The following ASPRV1 variants were observed in gnomAD, a reference collection of about 807,000 sequenced individuals.
ASPRV1 encodes retroviral-like aspartic protease 1.
ASPRV1 carries 7 observed loss-of-function variants against 11.0 expected under a neutral mutation model. That is an observed-to-expected ratio of 0.64 (90% CI 0.36 to 1.20). The LOEUF (loss-of-function observed/expected upper bound fraction) is 1.20. Ranked by LOEUF, ASPRV1 falls within the 50% of genes most tolerant of loss-of-function variation. The probability of loss-of-function intolerance (pLI) is 0.02; values close to 1 mark genes in which losing one functional copy is unlikely to be tolerated. For missense variants in ASPRV1, 299 were observed against 320.0 expected, an observed-to-expected ratio of 0.93 and a Z score of 0.50; for synonymous variants, 136 against 138.4, an observed-to-expected ratio of 0.98 and a Z score of 0.12.
At chr2:70,044,159 T>C in the ASPRV1 span, among the ~76,000 whole-genome samples, 1 of 152,110 alleles carries the variant, frequency 6.6e-6, no homozygotes, top group Non-Finnish European at 1.5e-5. Flanking sequence ...TGTTTCACAA[T>C]CAAAACTCTT....
the ASPRV1 span, among the ~76,000 whole-genome samples, chr2:70,040,866 G>A: frequency 6.6e-6 from 1 of 152,050 alleles, no homozygotes; most frequent in Non-Finnish European, 1.5e-5. Context: ...AACTAACGTG[G>A]CAAATACTTG....
the ASPRV1 span, among the ~76,000 whole-genome samples, chr2:70,035,412 A>C: frequency 6.6e-6 from 1 of 152,032 alleles, no homozygotes; most frequent in East Asian, 1.9e-4. Context: ...GTCCCTAAAC[A>C]ACCCAGCAAA....
the ASPRV1 span, among the ~76,000 whole-genome samples, chr2:69,949,397 T>C: frequency 1.3e-5 from 2 of 151,980 alleles, no homozygotes; most frequent in Non-Finnish European, 2.9e-5. Context: ...CAAGCAGAGG[T>C]GATGAAACAC....
the ASPRV1 span, among the ~76,000 whole-genome samples, chr2:69,978,725 C>T: frequency 6.6e-6 from 1 of 152,136 alleles, no homozygotes; most frequent in Non-Finnish European, 1.5e-5. Context: ...GGAAGCAAAC[C>T]TCGCGCCCTC....
chr2:70,048,251 T>G, the ASPRV1 span, among the ~76,000 whole-genome samples: 1 of 138,640 alleles, frequency 7.2e-6, no homozygotes, highest in Non-Finnish European at 1.5e-5. Flanking sequence ...CCATCTCTAC[T>G]AAAAATACAA....
chr2:70,062,286 C>T, the ASPRV1 span, among the ~76,000 whole-genome samples: 2 of 151,906 alleles, frequency 1.3e-5, no homozygotes, highest in East Asian at 1.9e-4. Context: ...GCCTGGGCAA[C>T]AAGAGCGAAA....
At chr2:69,974,724 G>T in the ASPRV1 span, among the ~76,000 whole-genome samples, 1 of 152,356 alleles carries the variant, frequency 6.6e-6, no homozygotes, top group South Asian at 2.1e-4. Context: ...CCCTGGGGTG[G>T]CAGGAGTTGT....
the ASPRV1 span, among the ~76,000 whole-genome samples, chr2:70,058,074 C>T: frequency 2.6e-5 from 4 of 152,274 alleles, no homozygotes; most frequent in Admixed American, 6.5e-5. Flanking sequence ...TGAGCCAACA[C>T]GCATGGCCAA....
chr2:70,033,314 C>CAT, the ASPRV1 span, among the ~76,000 whole-genome samples: 1 of 147,936 alleles, frequency 6.8e-6, no homozygotes, highest in Non-Finnish European at 1.5e-5. Flanking sequence ...CACACACACA[C>CAT]ATATATGCAC....
At chr2:70,055,760 G>A in the ASPRV1 span, 1 of 151,816 alleles carries the variant, frequency 6.6e-6, no homozygotes, top group Non-Finnish European at 1.5e-5. Context: ...CTGGTTTTTA[G>A]AATAAAGAAA....
At chr2:69,992,622 C>G in the ASPRV1 span, among the ~76,000 whole-genome samples, 1 of 152,158 alleles carries the variant, frequency 6.6e-6, no homozygotes, top group East Asian at 1.9e-4. Context: ...AATAATAATT[C>G]CTTTAGGCAG....
chr2:69,956,454 A>G (rs772391780), downstream of ASPRV1, among the ~76,000 whole-genome samples: 113 of 137,602 alleles, frequency 8.2e-4, 1 homozygote, highest in Non-Finnish European at 1.4e-3. Context: ...GAGAAGAGGA[A>G]GAAGAAGAAG....
At chr2:70,084,528 A>T in the ASPRV1 span, among the ~76,000 whole-genome samples, 1 of 152,194 alleles carries the variant, frequency 6.6e-6, no homozygotes, top group South Asian at 2.1e-4. Context: ...TGTAAAACTG[A>T]CCTAATATCA....
chr2:69,943,545 G>A, the ASPRV1 span, among the ~76,000 whole-genome samples: 17 of 152,198 alleles, frequency 1.1e-4, no homozygotes, highest in African/African-American at 3.9e-4. Context: ...TCAAAGGAAA[G>A]ACCTTGTGGA....
the ASPRV1 span, chr2:69,935,473 T>C: frequency 6.3e-7 from 1 of 1,577,626 alleles, no homozygotes; most frequent in Non-Finnish European, 8.7e-7. Flanking sequence ...AAGGTAAGTG[T>C]ATTGTTGGGA....
At chr2:70,005,149 T>A in the ASPRV1 span, among the ~76,000 whole-genome samples, 1 of 152,162 alleles carries the variant, frequency 6.6e-6, no homozygotes, top group African/African-American at 2.4e-5. Context: ...AGCCTGGACC[T>A]CCAGGGCTCA....
chr2:70,027,003 C>A, the ASPRV1 span, among the ~76,000 whole-genome samples: 1 of 152,144 alleles, frequency 6.6e-6, no homozygotes, highest in Non-Finnish European at 1.5e-5. Context: ...GTAATCCCAG[C>A]ACTTTGGGAG....
chr2:69,952,823 A>G, the ASPRV1 span, among the ~76,000 whole-genome samples: 120 of 152,126 alleles, frequency 7.9e-4, 1 homozygote, highest in South Asian at 8.7e-3. Context: ...AGACATTGCC[A>G]ATACTGCCTT....
At chr2:70,076,971 G>C in the ASPRV1 span, among the ~76,000 whole-genome samples, 40 of 152,164 alleles carry the variant, frequency 2.6e-4, no homozygotes, top group African/African-American at 9.4e-4. Flanking sequence ...CTGTAAGTCA[G>C]GGACTATCCG....
Sources: allele counts gnomAD v4.1 joint callset (sites outside exome capture counted in the v4.1 genomes callset), GRCh38; gene constraint gnomAD v4.1.1; transcripts MANE v1.5; gene names NCBI Gene and HGNC (gene_info 2026-07-23, HGNC 2026-07-21).